TOPBP1: variants seen among roughly 807,000 people sequenced by gnomAD.
TOPBP1 encodes the protein DNA topoisomerase II binding protein 1, also known as DNA topoisomerase 2-binding protein 1.
In TOPBP1, 28 loss-of-function variants were observed where a neutral mutation model predicts 167.7. The ratio of observed to expected loss-of-function variants is 0.17; its 90% CI spans 0.12 to 0.23. The LOEUF is 0.23. Ranked by LOEUF, TOPBP1 falls within the 10% of genes least tolerant of loss-of-function variation. The pLI, the probability that TOPBP1 is intolerant of heterozygous loss-of-function variation, is 1.00. For synonymous variants in TOPBP1, 598 were observed against 611.4 expected, an observed-to-expected ratio of 0.98 and a Z score of 0.32; for missense variants, 1,554 against 1,809.6, an observed-to-expected ratio of 0.86 and a Z score of 2.56.
At chr3:133,626,760 T>C (rs990212649) in intron 16 of TOPBP1, among the ~76,000 whole-genome samples, 4 of 152,234 alleles carry the variant, frequency 2.6e-5, no homozygotes, top group African/African-American at 9.6e-5. Context: ...ATATCTTTTC[T>C]ATATTATGCA....
chr3:133,625,057 C>T (rs909932356), intron 16 of TOPBP1, among the ~76,000 whole-genome samples: 2 of 152,192 alleles, frequency 1.3e-5, no homozygotes, highest in African/African-American at 4.8e-5. Context: ...ATCTCCACCT[C>T]CCGGGTTCAA....
At chr3:133,647,305 T>A (rs767228745) in intron 10 of TOPBP1, among the ~76,000 whole-genome samples, 7 of 152,132 alleles carry the variant, frequency 4.6e-5, no homozygotes. Context: ...CTCCAGCCAA[T>A]ACACCAACTT....
chr3:133,634,499 G>A (rs894050451), intron 14 of TOPBP1, among the ~76,000 whole-genome samples: 1 of 152,082 alleles, frequency 6.6e-6, no homozygotes, highest in African/African-American at 2.4e-5. Flanking sequence ...CTGGGTGACA[G>A]AGCGAGACTC....
chr3:133,661,235 G>C (rs1210507263), intron 1 of TOPBP1, 101 bp from the exon 2 acceptor site: 12 of 811,198 alleles, frequency 1.5e-5, no homozygotes, highest in Non-Finnish European at 2.0e-5. Context: ...AATGCCTAAA[G>C]ACAGACATTC....
chr3:133,656,608 T>C (rs1483459634), intron 5 of TOPBP1, 68 bp downstream of exon 5: 2 of 1,476,152 alleles, frequency 1.4e-6, no homozygotes, highest in African/African-American at 2.8e-5. Flanking sequence ...AAAGAGTATA[T>C]CACATGCCAA....
At position 133,628,456 on chromosome 3, in the gene TOPBP1, G is replaced by A; in HGVS notation, c.2710C>T (p.Pro904Ser). Residue 904 changes from proline (P) to serine (S), a missense_variant, in exon 16 of 28, where the codon CCA (proline) becomes TCA (serine). Pro to Ser is a moderately conservative substitution (Grantham distance 74). Coordinates refer to ENST00000260810, the MANE Select transcript of TOPBP1 (RefSeq NM_007027.4). ...ACACATACCACTACTTTGTGAAGTG[G>A]CTTTGGGGCTTCTTCCTGTCCATGG... ...AQSEKEEAPK[P>S]LHKVVVCVSK... 1 of 1,610,698 alleles carries A rather than the reference G, an allele frequency of 6.2e-7. No individual in the cohort carries two copies. The highest frequency in any genetic ancestry group is 8.5e-7 in the Non-Finnish European group (1 of 1,178,336).
At chr3:133,660,753 C>T (rs1002327170) in intron 2 of TOPBP1, among the ~76,000 whole-genome samples, 5 of 152,102 alleles carry the variant, frequency 3.3e-5, no homozygotes, top group Non-Finnish European at 5.9e-5. Flanking sequence ...TTCTACAGCA[C>T]GCAAAGGACC....
intron 16 of TOPBP1, chr3:133,627,968 T>G (rs1251581116): frequency 1.2e-5 from 2 of 164,584 alleles, no homozygotes; most frequent in East Asian, 3.4e-4. Flanking sequence ...CAGAGGGCTC[T>G]AATCTGAAAA....
chr3:133,624,634 T>C (rs968907343), intron 16 of TOPBP1, among the ~76,000 whole-genome samples: 5 of 152,250 alleles, frequency 3.3e-5, no homozygotes, highest in Admixed American at 6.5e-5. Context: ...AATTTTCTTT[T>C]ATAAAGAATA....
chr3:133,605,667 G>C (rs1216255511), intron 27 of TOPBP1, among the ~76,000 whole-genome samples: 1 of 152,072 alleles, frequency 6.6e-6, no homozygotes, highest in East Asian at 1.9e-4. Context: ...AGACCCTATA[G>C]CTGGTGAAAT....
At chr3:133,624,362 G>C (rs914758684) in intron 16 of TOPBP1, among the ~76,000 whole-genome samples, 187 bp from the exon 17 acceptor site, 3 of 152,206 alleles carry the variant, frequency 2.0e-5, no homozygotes, top group East Asian at 3.8e-4. Flanking sequence ...TACCCAGGAG[G>C]CTGAGGCAGG....
rs1934576423 is a variant in TOPBP1, at chr3:133,608,706, A to T, written c.4264-10T>A. On this transcript the variant is annotated splice_polypyrimidine_tract_variant and intron_variant, in intron 26 of 27. Coordinates refer to ENST00000260810, the MANE Select transcript of TOPBP1 (RefSeq NM_007027.4). ...AATGACCAGGTAGCACCTAATGAAA[A>T]AACAAGGTAGTATCACAATCTACCA... 1 of 1,612,676 alleles carries T rather than the reference A, an allele frequency of 6.2e-7. No individual in the cohort carries two copies. Among genetic ancestry groups the T allele is most frequent in the Admixed American group, 1.7e-5 (1 of 59,818 alleles).
intron 10 of TOPBP1, among the ~76,000 whole-genome samples, chr3:133,647,894 T>A (rs1936135862): frequency 6.6e-6 from 1 of 152,158 alleles, no homozygotes; most frequent in African/African-American, 2.4e-5. Context: ...GTGACCTATA[T>A]GCAAAGCAAA....
At position 133,656,848 on chromosome 3, in the gene TOPBP1, G is replaced by T. The variant is rs745384312; in HGVS notation, c.373C>A (p.His125Asn). Residue 125 changes from histidine to asparagine, a missense_variant, in exon 5 of 28, where the codon CAT becomes AAT. Physicochemically the swap from His to Asn is moderately conservative, Grantham distance 68. Around this residue, in one of 3 missense-constraint regions of TOPBP1, gnomAD observed 1,197 missense variants for 1,351.5 expected, o/e 0.89. Coordinates refer to ENST00000260810, the MANE Select transcript of TOPBP1 (RefSeq NM_007027.4). ...CCGCCCATCATTTGTACATATTTAT[G>T]AACTTCTTCCTGCAGCCCCAAAAGA... Reference protein sequence around the residue: ...SLEKEKREEVHKYVQMMGGRV... With the variant: ...SLEKEKREEVNKYVQMMGGRV... 1.9e-6 allele frequency: 3 copies of T among 1,574,330 alleles called. No individual in the cohort carries two copies. The highest frequency in any genetic ancestry group is 1.2e-5 in the South Asian group (1 of 84,340).
chr3:133,633,284 T>C (rs997362543), intron 14 of TOPBP1, among the ~76,000 whole-genome samples: 7 of 152,230 alleles, frequency 4.6e-5, no homozygotes, highest in African/African-American at 9.6e-5. Flanking sequence ...GATGACGCCA[T>C]TGACCTTCAT....
chr3:133,659,262 T>C (rs547974191), intron 2 of TOPBP1, 112 bp from the exon 3 acceptor site: 1 of 1,125,712 alleles, frequency 8.9e-7, no homozygotes, highest in South Asian at 1.7e-5. Context: ...CACCATCACA[T>C]CTCACTTAGA....
Position 133,617,256 on chromosome 3 carries a change from A to G in TOPBP1, c.3663T>C (p.Thr1221=). 2 of 1,613,810 alleles carry G rather than the reference A, an allele frequency of 1.2e-6. No individual in the cohort carries two copies. Among genetic ancestry groups the G allele is most frequent in the Non-Finnish European group, 1.7e-6 (2 of 1,179,814 alleles). Residue 1221 remains threonine, a synonymous_variant, in exon 22 of 28, where the codon ACT becomes ACC. Coordinates refer to ENST00000260810, the MANE Select transcript of TOPBP1 (RefSeq NM_007027.4). ...PKHPISEELE[T]PIKDSHLIPT... ...GGATCAGGTGGCTGTCTTTTATGGG[A>G]GTTTCCAGTTCTTCAGAGATTGGGT...
intron 14 of TOPBP1, among the ~76,000 whole-genome samples, chr3:133,628,958 T>C (rs1935369264): frequency 6.6e-6 from 1 of 152,100 alleles, no homozygotes; most frequent in Non-Finnish European, 1.5e-5. Flanking sequence ...TGAACAAAAA[T>C]TCCATACTGT....
intron 16 of TOPBP1, among the ~76,000 whole-genome samples, chr3:133,627,232 T>C (rs992708375): frequency 3.9e-5 from 6 of 152,060 alleles, no homozygotes; most frequent in African/African-American, 1.4e-4. Context: ...TTTAAAATCA[T>C]ATAAAAACAT....
Sources: allele counts gnomAD v4.1 joint callset (sites outside exome capture counted in the v4.1 genomes callset), GRCh38; gene constraint gnomAD v4.1.1; regional missense constraint gnomAD v4.1.1; transcripts MANE v1.5; gene names NCBI Gene and HGNC (gene_info 2026-07-23, HGNC 2026-07-21).